STPG1: variants seen among roughly 807,000 people sequenced by gnomAD.
STPG1 encodes the protein O(6)-methylguanine-induced apoptosis 2.
STPG1 carries 33 observed loss-of-function variants against 40.1 expected under a neutral mutation model. That is an observed-to-expected ratio of 0.82 (90% confidence interval 0.62 to 1.10). The LOEUF is 1.10. Ranked by LOEUF, STPG1 falls within the 50% of genes least tolerant of loss-of-function variation. STPG1 has a pLI of 0.00. For synonymous variants in STPG1, 150 were observed against 155.0 expected, an observed-to-expected ratio of 0.97 and a Z score of 0.24; for missense variants, 396 against 415.1, an observed-to-expected ratio of 0.95 and a Z score of 0.40.
At chr1:24,382,736 A>T (rs1261766476) in intron 4 of STPG1, among the ~76,000 whole-genome samples, 2 of 152,140 alleles carry the variant, frequency 1.3e-5, no homozygotes, top group Non-Finnish European at 2.9e-5. Flanking sequence ...TTCGAATTCC[A>T]ATAAGATGTA....
At chr1:24,366,900 C>G (rs192625962) in intron 7 of STPG1, among the ~76,000 whole-genome samples, 35 of 152,336 alleles carry the variant, frequency 2.3e-4, no homozygotes, top group African/African-American at 8.2e-4. Flanking sequence ...TTACTGCAGG[C>G]CTTCTCAGAG....
intron 1 of STPG1, among the ~76,000 whole-genome samples, chr1:24,406,014 T>C (rs942318564): frequency 2.0e-5 from 3 of 152,154 alleles, no homozygotes; most frequent in Non-Finnish European, 4.4e-5. Flanking sequence ...TCCTGGTTTT[T>C]AATCTAATCA....
At chr1:24,360,816 T>C (rs1346464550) in intron 8 of STPG1, 35 bp downstream of exon 8, 3 of 1,551,924 alleles carry the variant, frequency 1.9e-6, no homozygotes, top group Non-Finnish European at 2.6e-6. Flanking sequence ...TCCAGAAGAT[T>C]TGGTTTTTAC....
chr1:24,369,831 C>T lies in STPG1; in HGVS notation c.580G>A (p.Asp194Asn). The stretch of plus-strand genomic sequence containing the variant: ...TGCTTCACAAGGGATTCGTTGATAT[C>T]ATAATGCCCTAAGGAGAAAGAAATT... The part of the protein sequence containing the change: ...ADKGPPPGHY[D>N]INESLVKQSP... The change falls in exon 7 of 9, where the codon GAT becomes AAT. Residue 194 changes from aspartate to asparagine, a missense_variant. Coordinates refer to ENST00000337248, the MANE Select transcript of STPG1 (RefSeq NM_001199013.2). The T allele has an allele frequency of 6.2e-7, 1 of 1,601,614 alleles. No individual in the cohort carries two copies. Among genetic ancestry groups the T allele is most frequent in the Non-Finnish European group, 8.5e-7 (1 of 1,172,458 alleles).
rs970594736 is a variant in STPG1, at chr1:24,391,697, A to G, written c.71-18T>C. On this transcript the variant is annotated intron_variant, in intron 2 of 8. Coordinates refer to ENST00000337248, the MANE Select transcript of STPG1 (RefSeq NM_001199013.2). Reference sequence around the variant, plus strand: ...AGTAAAACCTAAACAACAAAAATGGAGTAAAATCAAAATGAATACAAAACA... The same window carrying G: ...AGTAAAACCTAAACAACAAAAATGGGGTAAAATCAAAATGAATACAAAACA... 6.8e-7 allele frequency: 1 copy of G among 1,480,822 alleles called. No homozygotes were observed. Among genetic ancestry groups the G allele is most frequent in the Non-Finnish European group, 9.2e-7 (1 of 1,088,062 alleles). 91.7% of individuals were successfully genotyped at this position (1,480,822 alleles called of 1,614,324 possible).
intron 7 of STPG1, 79 bp from the exon 8 acceptor site, chr1:24,361,120 C>T (rs1641084634): frequency 7.7e-7 from 1 of 1,304,874 alleles, no homozygotes. Context: ...CAGCCAAGAC[C>T]TGCACAGCAG....
Position 24,401,385 on chromosome 1 carries a change from C to G in STPG1, c.4G>C (p.Asp2His). 6.2e-7 allele frequency: 1 copy of G among 1,613,812 alleles called. No individual in the cohort carries two copies. The highest frequency in any genetic ancestry group is 8.5e-7 in the Non-Finnish European group (1 of 1,179,870). MDNSAQKNERTG... is the reference protein window; with the variant it reads MHNSAQKNERTG... ...CGTTCATTTTTCTGTGCAGAGTTGTCCATGTTAGCAAAATTCTGTGACGTG... is the reference window on the plus strand; with the variant it reads ...CGTTCATTTTTCTGTGCAGAGTTGTGCATGTTAGCAAAATTCTGTGACGTG... Residue 2 changes from aspartate to histidine, a missense_variant, in exon 2 of 9, where the codon GAC becomes CAC. Asp to His is a moderately conservative substitution (Grantham distance 81). Transcript: ENST00000337248.
At chr1:24,361,602 A>G (rs974397863) in intron 7 of STPG1, among the ~76,000 whole-genome samples, 2 of 152,078 alleles carry the variant, frequency 1.3e-5, no homozygotes, top group African/African-American at 4.8e-5. Context: ...ACATTCCAGA[A>G]TCCTACTAAA....
chr1:24,359,880 A>G lies in STPG1; in HGVS notation c.928+971T>C, dbSNP rs1045091099. Among the ~76,000 whole-genome samples the G allele has an allele frequency of 6.6e-6, 1 of 152,198 alleles. No homozygotes were observed. Among genetic ancestry groups the G allele is most frequent in the Non-Finnish European group, 1.5e-5 (1 of 68,044 alleles). On this transcript the variant is annotated intron_variant, in intron 8 of 8. Transcript: ENST00000337248. The surrounding 1 kb of genome is among the most constrained non-coding windows in gnomAD (Gnocchi z 5.3). Reference sequence around the variant, plus strand: ...CGCCCACTGGACTGAGTCCCTCATGATATTAGCTCCCAGGTAGATCCCAGA... The same window carrying G: ...CGCCCACTGGACTGAGTCCCTCATGGTATTAGCTCCCAGGTAGATCCCAGA...
intron 6 of STPG1, among the ~76,000 whole-genome samples, chr1:24,370,449 T>C (rs1641683566): frequency 6.6e-6 from 1 of 151,682 alleles, no homozygotes; most frequent in African/African-American, 2.4e-5. Flanking sequence ...GTCTCCCGAG[T>C]AGCTGAGACT....
intron 5 of STPG1, among the ~76,000 whole-genome samples, chr1:24,376,039 G>C (rs1570020238): frequency 6.6e-6 from 1 of 151,846 alleles, no homozygotes. Flanking sequence ...GTTTTGTTTT[G>C]AGATGGGGTC....
chr1:24,398,899 AT>A (rs1228359857), intron 2 of STPG1, among the ~76,000 whole-genome samples: 1 of 152,108 alleles, frequency 6.6e-6, no homozygotes, highest in Non-Finnish European at 1.5e-5. Flanking sequence ...AAAGATGTAA[AT>A]TATCCTTAAA....
At chr1:24,360,147 G>A (rs540213712) in intron 8 of STPG1, among the ~76,000 whole-genome samples, 1 of 152,258 alleles carries the variant, frequency 6.6e-6, no homozygotes, top group East Asian at 1.9e-4. Context: ...ATATTTTTAA[G>A]AAAAAGAACT....
rs757387365 is a variant in STPG1 at position 24,401,359 on chromosome 1, G to A, written c.30C>T (p.Arg10=). The A allele has an allele frequency of 2.5e-6, 4 of 1,614,088 alleles. No individual in the cohort carries two copies. Among genetic ancestry groups the A allele is most frequent in the South Asian group, 2.2e-5 (2 of 91,068 alleles). ...TGGCACGTCTGGGATGTTTGCCAGT[G>A]CGTTCATTTTTCTGTGCAGAGTTGT... MDNSAQKNE[R]TGKHPRRASE... The change falls in exon 2 of 9, where the codon CGC becomes CGT. Residue 10 remains arginine, a synonymous_variant. Transcript: ENST00000337248.
chr1:24,412,837 C>A (rs1011901850), intron 1 of STPG1, among the ~76,000 whole-genome samples: 1 of 152,208 alleles, frequency 6.6e-6, no homozygotes, highest in South Asian at 2.1e-4. Context: ...ATATTTCCAG[C>A]GGGAGTTAGA....
chr1:24,383,816 G>A, intron 4 of STPG1, 86 bp downstream of exon 4: 1 of 884,102 alleles, frequency 1.1e-6, no homozygotes, highest in Non-Finnish European at 1.9e-6. Context: ...TGGAGAGAAA[G>A]GACCAGATGT....
intron 3 of STPG1, 41 bp downstream of exon 3, chr1:24,391,520 T>C (rs1642770744): frequency 2.3e-6 from 3 of 1,291,180 alleles, no homozygotes; most frequent in Non-Finnish European, 2.2e-6. Flanking sequence ...AAGGCTAAAA[T>C]CCAGACTAAA....
At chr1:24,392,434 CA>C (rs1395547941) in intron 2 of STPG1, among the ~76,000 whole-genome samples, 1 of 152,208 alleles carries the variant, frequency 6.6e-6, no homozygotes, top group African/African-American at 2.4e-5. Flanking sequence ...GATAGCTCTT[CA>C]GCTTCACCAC....
At chr1:24,381,064 T>C (rs1642261804) in intron 4 of STPG1, among the ~76,000 whole-genome samples, 1 of 152,242 alleles carries the variant, frequency 6.6e-6, no homozygotes, top group South Asian at 2.1e-4. Flanking sequence ...TGATTATCTC[T>C]ACTTTACAGA....
Sources: gnomAD v4.1 joint callset for allele counts (sites outside exome capture counted in the v4.1 genomes callset) on GRCh38, gnomAD v4.1.1 for gene constraint, Gnocchi (gnomAD v3.1) non-coding constraint, MANE v1.5 for transcripts, NCBI Gene and HGNC (gene_info 2026-07-23, HGNC 2026-07-21) for gene names.